Variants in ANO4 observed in about 807,000 individuals in gnomAD.
The protein encoded by ANO4 is anoctamin-4.
ANO4 carries 69 observed loss-of-function variants against 141.9 expected under a neutral mutation model. That is an observed-to-expected ratio of 0.49 (90% confidence interval 0.40 to 0.59). The LOEUF (loss-of-function observed/expected upper bound fraction) is 0.59, where lower values mean the gene tolerates loss of function less well. ANO4 is among the 20% of genes least tolerant of loss of function. The probability of loss-of-function intolerance (pLI) is 0.00; values close to 1 mark genes in which losing one functional copy is unlikely to be tolerated. For synonymous variants in ANO4, 350 were observed against 394.3 expected, an observed-to-expected ratio of 0.89 and a Z score of 1.33; for missense variants, 894 against 1,162.2, an observed-to-expected ratio of 0.77 and a Z score of 3.36.
At chr12:100,996,088 A>G (rs575820136) in intron 8 of ANO4, among the ~76,000 whole-genome samples, 3 of 152,300 alleles carry the variant, frequency 2.0e-5, no homozygotes, top group East Asian at 1.9e-4. Flanking sequence ...CTGATAATCT[A>G]TCTTCTCTAT....
chr12:101,075,188 C>T lies in ANO4; in HGVS notation c.1313-4005C>T, dbSNP rs148534768. 7.6e-3 allele frequency among the ~76,000 whole-genome samples: 1,156 copies of T among 152,146 alleles called. 60 individuals are homozygous for T. Among genetic ancestry groups the T allele is most frequent in the Admixed American group, 0.069 (1,060 of 15,268 alleles). On this transcript the variant is annotated intron_variant, in intron 14 of 27. Coordinates refer to ENST00000392977, the MANE Select transcript of ANO4 (RefSeq NM_001286615.2). Reference sequence around the variant, plus strand: ...GACCCAAATAGGGAAAAACATTACTCGCTAAGGAAATGGTGTGGGCAAACT... The same window carrying T: ...GACCCAAATAGGGAAAAACATTACTTGCTAAGGAAATGGTGTGGGCAAACT...
intron 3 of ANO4, among the ~76,000 whole-genome samples, chr12:100,744,111 G>A (rs995432379): frequency 9.2e-5 from 14 of 152,132 alleles, no homozygotes; most frequent in African/African-American, 1.7e-4. Context: ...TCTCTGACAA[G>A]TTTTACATGT....
chr12:100,854,818 A>G (rs1181400607), intron 1 of ANO4, among the ~76,000 whole-genome samples: 2 of 152,056 alleles, frequency 1.3e-5, no homozygotes, highest in Non-Finnish European at 2.9e-5. Flanking sequence ...TGTGTTTCAT[A>G]GCTTTTCTTT....
chr12:100,825,473 A>G lies in ANO4; in HGVS notation c.-141+30446A>G, dbSNP rs573771724. On this transcript the variant is annotated intron_variant, in intron 1 of 27. Coordinates refer to ENST00000392977, the MANE Select transcript of ANO4 (RefSeq NM_001286615.2). The stretch of plus-strand genomic sequence containing the variant: ...GAAAATCTGGAATTTAAACTTTTTC[A>G]ACATCCAAAATGGCACCACACTGCC... Among the ~76,000 whole-genome samples the G allele has an allele frequency of 8.1e-4, 124 of 152,174 alleles. 1 individual carries two copies. The highest frequency in any genetic ancestry group is 2.9e-3 in the African/African-American group (120 of 41,558).
intron 1 of ANO4, among the ~76,000 whole-genome samples, chr12:100,718,405 A>G (rs2030710168): frequency 6.6e-6 from 1 of 152,194 alleles, no homozygotes; most frequent in Non-Finnish European, 1.5e-5. Flanking sequence ...AGTTGTTGCG[A>G]TAAGATCTAG....
At chr12:100,963,614 T>A (rs1014963036) in intron 5 of ANO4, among the ~76,000 whole-genome samples, 3 of 152,062 alleles carry the variant, frequency 2.0e-5, no homozygotes, top group Non-Finnish European at 4.4e-5. Context: ...GGGAAAAGAA[T>A]AACAGATGCA....
chr12:101,043,272 G>A (rs1483807324), intron 12 of ANO4, among the ~76,000 whole-genome samples: 1 of 152,118 alleles, frequency 6.6e-6, no homozygotes, highest in South Asian at 2.1e-4. Context: ...TCTATAATTT[G>A]GGATATAACA....
intron 1 of ANO4, among the ~76,000 whole-genome samples, chr12:100,823,405 G>A (rs4764752): frequency 0.19 from 29,607 of 151,932 alleles, 3,410 homozygotes; most frequent in Middle Eastern, 0.36. Context: ...CAGGTGGAAG[G>A]CCACCCCTTT....
chr12:101,030,229 A>G (rs981284306), intron 9 of ANO4, among the ~76,000 whole-genome samples: 1 of 152,210 alleles, frequency 6.6e-6, no homozygotes, highest in African/African-American at 2.4e-5. Context: ...AATTGGAAGT[A>G]AAACACTCCT....
chr12:100,862,758 A>G (rs544641196), intron 1 of ANO4, among the ~76,000 whole-genome samples: 1 of 152,184 alleles, frequency 6.6e-6, no homozygotes, highest in East Asian at 1.9e-4. Flanking sequence ...ATGACATTAT[A>G]ATGGCTATGA....
chr12:100,874,606 A>G (rs918651921), intron 1 of ANO4, among the ~76,000 whole-genome samples: 1 of 151,866 alleles, frequency 6.6e-6, no homozygotes, highest in African/African-American at 2.4e-5. Context: ...TGCAACCTCT[A>G]CCTCCTGGGT....
chr12:100,817,967 G>C (rs1034534994), intron 1 of ANO4, among the ~76,000 whole-genome samples: 1 of 151,694 alleles, frequency 6.6e-6, no homozygotes, highest in African/African-American at 2.4e-5. Context: ...CACTTGTGAA[G>C]ACAATCCTAG....
chr12:100,819,791 A>T (rs1255131661), intron 1 of ANO4, among the ~76,000 whole-genome samples: 1 of 152,012 alleles, frequency 6.6e-6, no homozygotes, highest in African/African-American at 2.4e-5. Context: ...GCGAGACTTG[A>T]GATGGCTGTA....
intron 1 of ANO4, among the ~76,000 whole-genome samples, chr12:100,874,884 CT>C (rs1173498694): frequency 6.6e-6 from 1 of 152,086 alleles, no homozygotes; most frequent in Non-Finnish European, 1.5e-5. Context: ...TTAGTTTTGG[CT>C]GATTTCTCCT....
intron 17 of ANO4, among the ~76,000 whole-genome samples, chr12:101,090,885 T>G (rs1251966322): frequency 6.6e-6 from 1 of 152,096 alleles, no homozygotes; most frequent in Non-Finnish European, 1.5e-5. Context: ...CAATATCTAT[T>G]TCAAGACACA....
intron 1 of ANO4, among the ~76,000 whole-genome samples, chr12:100,824,314 T>C (rs1165954446): frequency 6.6e-6 from 1 of 152,036 alleles, no homozygotes; most frequent in Non-Finnish European, 1.5e-5. Context: ...AATAAATGTT[T>C]GTTGAATGAG....
chr12:101,033,445 T>C (rs986008191), intron 9 of ANO4, among the ~76,000 whole-genome samples: 3 of 152,008 alleles, frequency 2.0e-5, no homozygotes, highest in African/African-American at 7.3e-5. Flanking sequence ...TGTGCACATG[T>C]ACCCTAAAAC....
chr12:101,112,215 A>G (rs2050690670), intron 24 of ANO4, among the ~76,000 whole-genome samples: 1 of 152,162 alleles, frequency 6.6e-6, no homozygotes, highest in Non-Finnish European at 1.5e-5. Flanking sequence ...GTATTCGTGG[A>G]ATAAGTAAGT....
At chr12:100,894,471 A>G (rs1391484647) in intron 1 of ANO4, among the ~76,000 whole-genome samples, 2 of 151,972 alleles carry the variant, frequency 1.3e-5, no homozygotes, top group African/African-American at 2.4e-5. Context: ...CTGATGCTCA[A>G]AGCCCCTCCA....
Sources: gnomAD v4.1 joint callset for allele counts (sites outside exome capture counted in the v4.1 genomes callset) on GRCh38, gnomAD v4.1.1 for gene constraint, MANE v1.5 for transcripts, NCBI Gene and HGNC (gene_info 2026-07-23, HGNC 2026-07-21) for gene names.